The following SLC35A1 variants were observed in gnomAD, a reference collection of about 807,000 sequenced individuals.
SLC35A1 encodes solute carrier family 35 member A1.
In SLC35A1, 21 loss-of-function variants were observed where a neutral mutation model predicts 40.3. The observed-to-expected ratio is 0.52, with a 90% CI of 0.37 to 0.75. The LOEUF (loss-of-function observed/expected upper bound fraction) is 0.75. SLC35A1 is among the 30% of genes least tolerant of loss of function. The pLI is 0.00. For synonymous variants in SLC35A1, 146 were observed against 147.3 expected, an observed-to-expected ratio of 0.99 and a Z score of 0.06; for missense variants, 297 against 382.1, an observed-to-expected ratio of 0.78 and a Z score of 1.86.
intron 2 of SLC35A1, among the ~76,000 whole-genome samples, chr6:87,484,040 T>C (rs771069324): frequency 2.0e-5 from 3 of 152,190 alleles, no homozygotes; most frequent in African/African-American, 7.2e-5. Flanking sequence ...CCTCCAGACT[T>C]TGACCACCAA....
rs1770263126 is a variant in SLC35A1, at chr6:87,511,338, T to C, written c.887-61T>C. 1.9e-6 allele frequency: 3 copies of C among 1,583,612 alleles called. No homozygotes were observed. In the Admixed American group the frequency reaches 5.0e-5, roughly 26 times the overall value. On this transcript the variant is annotated intron_variant, in intron 7 of 7. Transcript: ENST00000369552. ...ATTAAGAGTTTTCAAAATTTTAAACTGATCATTAGGCATTTTAAAGACACA... is the reference window on the plus strand; with the variant it reads ...ATTAAGAGTTTTCAAAATTTTAAACCGATCATTAGGCATTTTAAAGACACA...
chr6:87,477,643 A>C (rs1214745675), intron 2 of SLC35A1, 104 bp downstream of exon 2: 4 of 1,008,066 alleles, frequency 4.0e-6, no homozygotes, highest in African/African-American at 1.6e-5. Flanking sequence ...GCTCTGGGTC[A>C]GTGTTTCTCA....
intron 2 of SLC35A1, among the ~76,000 whole-genome samples, chr6:87,483,232 C>T (rs1769295354): frequency 6.6e-6 from 1 of 151,738 alleles, no homozygotes; most frequent in South Asian, 2.1e-4. Context: ...TCTCTGACTT[C>T]CTTTCCCAGT....
chr6:87,481,198 C>CT (rs1372787422), intron 2 of SLC35A1, among the ~76,000 whole-genome samples: 1 of 151,910 alleles, frequency 6.6e-6, no homozygotes, highest in African/African-American at 2.4e-5. Flanking sequence ...GGTGGATCAC[C>CT]TGAGGTCAGG....
intron 2 of SLC35A1, among the ~76,000 whole-genome samples, chr6:87,493,074 C>T (rs1441201296): frequency 6.6e-6 from 1 of 152,126 alleles, no homozygotes; most frequent in Non-Finnish European, 1.5e-5. Flanking sequence ...TGGCATTCTA[C>T]TCTAGAAATT....
In SLC35A1 at chr6:87,511,766, GT is replaced by G. The variant is rs1241135621; in HGVS notation, c.*241del. The G allele has an allele frequency of 2.0e-6, 1 of 497,446 alleles. No individual in the cohort carries two copies. Among genetic ancestry groups the G allele is most frequent in the African/African-American group, 1.9e-5 (1 of 51,478 alleles). 30.8% of individuals were successfully genotyped at this position (497,446 alleles called of 1,614,324 possible). ...TAGAATGAAGGAATTGTATTATTGTGTGTATATATAATTTGTAAATAAAAAG... is the reference window on the plus strand; with the variant it reads ...TAGAATGAAGGAATTGTATTATTGTGGTATATATAATTTGTAAATAAAAAG... On this transcript the variant is annotated 3_prime_UTR_variant, in exon 8 of 8. Transcript: ENST00000369552.
In SLC35A1 at chr6:87,497,087, C is replaced by T. The variant is rs181760043; in HGVS notation, c.195-3421C>T. Among the ~76,000 whole-genome samples the T allele has an allele frequency of 1.1e-4, 16 of 152,164 alleles. No individual in the cohort carries two copies. The East Asian group carries it at 3.1e-3, about 29-fold the overall frequency. ...AAATTATTTACCCTCTTCTTTAAAA[C>T]TTTCTGTGTGGTGAGATTCCCACAT... On this transcript the variant is annotated intron_variant, in intron 2 of 7. Coordinates refer to ENST00000369552, the MANE Select transcript of SLC35A1 (RefSeq NM_006416.5).
chr6:87,506,915 CGA>C (rs35841461), intron 5 of SLC35A1: 5,563 of 171,846 alleles, frequency 0.032, 121 homozygotes, highest in Middle Eastern at 0.049. Flanking sequence ...TGAGGTGGGT[CGA>C]GAGTACCTTA....
chr6:87,486,256 G>A (rs1002806620), intron 2 of SLC35A1, among the ~76,000 whole-genome samples: 3 of 152,132 alleles, frequency 2.0e-5, no homozygotes, highest in African/African-American at 7.2e-5. Flanking sequence ...ACTTATCGAA[G>A]TAGCACCTGA....
intron 5 of SLC35A1, among the ~76,000 whole-genome samples, chr6:87,507,948 G>C (rs1049053043): frequency 2.0e-5 from 3 of 151,948 alleles, no homozygotes; most frequent in Non-Finnish European, 4.4e-5. Context: ...CTTCAGTTTT[G>C]GTTGTTACTC....
At chr6:87,509,526 T>C (rs948705467) in intron 7 of SLC35A1, among the ~76,000 whole-genome samples, 2 of 152,214 alleles carry the variant, frequency 1.3e-5, no homozygotes, top group Non-Finnish European at 2.9e-5. Context: ...ATATAAAGAC[T>C]TTAGGAAATT....
At chr6:87,503,719 A>G (rs75746095) in intron 4 of SLC35A1, among the ~76,000 whole-genome samples, 138 of 152,240 alleles carry the variant, frequency 9.1e-4, no homozygotes, top group Admixed American at 1.9e-3. Flanking sequence ...TTCAATAATA[A>G]TAATAATAAC....
chr6:87,511,695 T>C lies in SLC35A1; in HGVS notation c.*169T>C. Reference sequence around the variant, plus strand: ...AAACGAAGCTATCTGAGTGAACTGCTAATACAGAAACTTAATGTAGACCTG... The same window carrying C: ...AAACGAAGCTATCTGAGTGAACTGCCAATACAGAAACTTAATGTAGACCTG... On this transcript the variant is annotated 3_prime_UTR_variant, in exon 8 of 8. Transcript: ENST00000369552. The C allele has an allele frequency of 2.7e-6, 2 of 727,836 alleles. No homozygotes were observed. The highest frequency in any genetic ancestry group is 1.5e-5 in the South Asian group (1 of 64,976). The allele number at this position is 727,836 out of a possible 1,614,324, so 45.1% of individuals were successfully genotyped here.
chr6:87,487,331 A>G (rs1769418337), intron 2 of SLC35A1, among the ~76,000 whole-genome samples: 1 of 152,226 alleles, frequency 6.6e-6, no homozygotes, highest in Admixed American at 6.5e-5. Context: ...AGCACAGGTC[A>G]CGAAGAGAAG....
At chr6:87,482,445 T>C (rs1481719995) in intron 2 of SLC35A1, among the ~76,000 whole-genome samples, 1 of 152,262 alleles carries the variant, frequency 6.6e-6, no homozygotes, top group Non-Finnish European at 1.5e-5. Flanking sequence ...TAAGACTTTC[T>C]TTAGTTTAAA....
At chr6:87,490,108 A>T (rs1769504010) in intron 2 of SLC35A1, among the ~76,000 whole-genome samples, 2 of 151,720 alleles carry the variant, frequency 1.3e-5, no homozygotes, top group Admixed American at 1.3e-4. Context: ...GTGCACCTTT[A>T]GTCCCAGCTA....
chr6:87,489,821 G>A lies in SLC35A1; in HGVS notation c.195-10687G>A, dbSNP rs1026085305. ...TCCCAAAGTGCTGGTGAGCCACCGC[G>A]CCTGGCCAAATTTTTTTTTTTTTTT... On this transcript the variant is annotated intron_variant, in intron 2 of 7. Coordinates refer to ENST00000369552, the MANE Select transcript of SLC35A1 (RefSeq NM_006416.5). Among the ~76,000 whole-genome samples, 56 of 150,084 alleles carry A rather than the reference G, an allele frequency of 3.7e-4. 1 individual carries two copies. The highest frequency in any genetic ancestry group is 1.2e-3 in the African/African-American group (50 of 40,878).
At chr6:87,500,365 T>A (rs1769881781) in intron 2 of SLC35A1, 143 bp from the exon 3 acceptor site, 1 of 800,976 alleles carries the variant, frequency 1.2e-6, no homozygotes, top group Non-Finnish European at 2.1e-6. Flanking sequence ...TTTCTTTTAA[T>A]CTAAAACTAG....
chr6:87,488,296 G>A (rs1342061951), intron 2 of SLC35A1: 2 of 152,160 alleles, frequency 1.3e-5, no homozygotes, highest in Non-Finnish European at 2.9e-5. Context: ...AATCTTATTT[G>A]TAATGTCATT....
Sources: gnomAD v4.1 joint callset for allele counts (sites outside exome capture counted in the v4.1 genomes callset) on GRCh38, gnomAD v4.1.1 for gene constraint, MANE v1.5 for transcripts, NCBI Gene and HGNC (gene_info 2026-07-23, HGNC 2026-07-21) for gene names.